Variants in SLC25A48 observed in about 807,000 individuals in gnomAD.
SLC25A48 encodes solute carrier family 25 member 48, also known as CTC-321K16.1.
A neutral mutation model predicts 32.2 loss-of-function variants in SLC25A48; 29 were observed. That is an observed-to-expected ratio of 0.90 (90% CI 0.67 to 1.23). The LOEUF (loss-of-function observed/expected upper bound fraction) is 1.23. Among genes scored for constraint, SLC25A48 ranks in the 50% most tolerant of loss-of-function variants. The pLI is 0.00. For synonymous variants in SLC25A48, 164 were observed against 172.3 expected (o/e 0.95, Z 0.38); for missense variants, 399 against 422.7 (o/e 0.94, Z 0.49).
At chr5:135,653,900 A>G (rs548673991) in intron 3 of SLC25A48, 46 of 456,282 alleles carry the variant, frequency 1.0e-4, no homozygotes, top group South Asian at 6.5e-4. Context: ...GGGCAAGCAT[A>G]TACTCAGGGT....
chr5:135,646,644 T>G (rs1580750626), intron 3 of SLC25A48, among the ~76,000 whole-genome samples: 1 of 136,502 alleles, frequency 7.3e-6, no homozygotes, highest in African/African-American at 2.7e-5. Flanking sequence ...TACGCATTTA[T>G]AATATAATTT....
intron 1 of SLC25A48, among the ~76,000 whole-genome samples, chr5:135,589,226 A>T (rs1223488956): frequency 6.6e-6 from 1 of 152,240 alleles, no homozygotes; most frequent in Non-Finnish European, 1.5e-5. Context: ...ATGAAATGTG[A>T]ACAACTTCCA....
At position 135,888,471 on chromosome 5, in the gene SLC25A48, C is replaced by T. The variant is rs1234609834; in HGVS notation, c.*447C>T. On this transcript the variant is annotated 3_prime_UTR_variant, in exon 8 of 8. Transcript: ENST00000681962. ...TCCTCTCAGCACCGACCAGGTTTTT[C>T]CCCGCTCCTGCACCCGTGGATCCTG... The T allele has an allele frequency of 5.2e-6, 1 of 191,170 alleles. No individual in the cohort carries two copies. Among genetic ancestry groups the T allele is most frequent in the African/African-American group, 2.3e-5 (1 of 43,488 alleles). The allele number at this position is 191,170 out of a possible 1,614,324, so 11.8% of individuals were successfully genotyped here.
intron 3 of SLC25A48, among the ~76,000 whole-genome samples, chr5:135,809,294 C>G (rs1480848916): frequency 6.6e-6 from 1 of 152,172 alleles, no homozygotes; most frequent in Middle Eastern, 3.4e-3. Context: ...GCAAGACTGT[C>G]TCTCTAAAAA....
chr5:135,643,502 AGCCTGTCTCTCATGG>A, intron 3 of SLC25A48, among the ~76,000 whole-genome samples: 1 of 152,314 alleles, frequency 6.6e-6, no homozygotes, highest in South Asian at 2.1e-4. Context: ...TCTCCCATCT[AGCCTGTCTCTCATGG>A]GCCTTGCTCT....
At chr5:135,678,957 G>T (rs1580778555) in intron 3 of SLC25A48, among the ~76,000 whole-genome samples, 1 of 152,154 alleles carries the variant, frequency 6.6e-6, no homozygotes, top group Non-Finnish European at 1.5e-5. Flanking sequence ...TGGGCTCCAG[G>T]ACAGTGTACA....
intron 3 of SLC25A48, among the ~76,000 whole-genome samples, chr5:135,730,719 G>C (rs1362792652): frequency 2.6e-5 from 4 of 152,234 alleles, no homozygotes; most frequent in Non-Finnish European, 2.9e-5. Context: ...AAACTTCCTA[G>C]AGACTTGTTG....
rs535649877 is a variant in SLC25A48 at position 135,850,805 on chromosome 5, T to C, written c.162+309T>C. Among the ~76,000 whole-genome samples the C allele has an allele frequency of 5.3e-5, 8 of 152,318 alleles. No individual in the cohort carries two copies. The South Asian group carries it at 1.7e-3, about 32-fold the overall frequency. ...AAAAACAAGGTGATGGCTCAGTTTT[T>C]CACAAAGGAATGAGTGACTGGCAAA... On this transcript the variant is annotated intron_variant, in intron 3 of 7. Transcript: ENST00000681962.
At chr5:135,789,176 C>G (rs1237810103) in intron 3 of SLC25A48, among the ~76,000 whole-genome samples, 1 of 151,570 alleles carries the variant, frequency 6.6e-6, no homozygotes, top group Non-Finnish European at 1.5e-5. Context: ...ATATTAGTCC[C>G]CATGTTGCGG....
At chr5:135,631,649 C>G (rs1580738041) in intron 2 of SLC25A48, among the ~76,000 whole-genome samples, 2 of 152,204 alleles carry the variant, frequency 1.3e-5, no homozygotes, top group Admixed American at 6.5e-5. Flanking sequence ...CTCCCCGGAT[C>G]AGCATAACTG....
rs376005186 is a variant in SLC25A48, at chr5:135,850,514, G to A, written c.162+18G>A. On this transcript the variant is annotated intron_variant, in intron 3 of 7. Transcript: ENST00000681962. ...GGGAGAGTGTAAGTGCCCCTTGGGC[G>A]GGTGGAGTGATGCCTGCCTGGGCCC... 25 of 1,613,280 alleles carry A rather than the reference G, an allele frequency of 1.5e-5. No homozygotes were observed. Among genetic ancestry groups the A allele is most frequent in the Middle Eastern group, 1.7e-4 (1 of 5,956 alleles).
At chr5:135,763,884 A>AT (rs1055293087) in intron 3 of SLC25A48, among the ~76,000 whole-genome samples, 1 of 151,908 alleles carries the variant, frequency 6.6e-6, no homozygotes, top group African/African-American at 2.4e-5. Context: ...TTACTTATTT[A>AT]TTTTTTTGAG....
At chr5:135,765,260 A>G (rs991404948) in intron 3 of SLC25A48, among the ~76,000 whole-genome samples, 5 of 150,638 alleles carry the variant, frequency 3.3e-5, no homozygotes, top group African/African-American at 1.2e-4. Context: ...GGGTGTGTAC[A>G]CCCCCCTGTG....
chr5:135,710,225 G>T (rs769689202), intron 3 of SLC25A48, among the ~76,000 whole-genome samples: 22 of 152,224 alleles, frequency 1.4e-4, no homozygotes, highest in Non-Finnish European at 2.2e-4. Flanking sequence ...AGGGCAGCTG[G>T]TTTTCGCACA....
chr5:135,792,699 C>T (rs1331986056), intron 3 of SLC25A48, among the ~76,000 whole-genome samples: 1 of 151,652 alleles, frequency 6.6e-6, no homozygotes, highest in Non-Finnish European at 1.5e-5. Flanking sequence ...ATTTGTACTC[C>T]CTGGAATACT....
chr5:135,834,692 C>A lies in SLC25A48; in HGVS notation c.-156C>A. ...GGAGAGGTGAGCGCGGCAGCCCGCG[C>A]AGCCGGTGACTGGGGGACTGGGTTT... On this transcript the variant is annotated 5_prime_UTR_variant, in exon 1 of 8. Transcript: ENST00000681962. 2.5e-6 allele frequency: 2 copies of A among 801,966 alleles called. No individual in the cohort carries two copies. Among genetic ancestry groups the A allele is most frequent in the Non-Finnish European group, 1.9e-6 (1 of 519,384 alleles). 49.7% of individuals were successfully genotyped at this position (801,966 alleles called of 1,614,324 possible).
chr5:135,645,667 T>C (rs1269106790), intron 3 of SLC25A48, among the ~76,000 whole-genome samples: 3 of 152,200 alleles, frequency 2.0e-5, no homozygotes, highest in Admixed American at 6.5e-5. Flanking sequence ...GGGCAGAGAC[T>C]ACTGGACCCC....
chr5:135,619,096 T>A (rs566311975), intron 1 of SLC25A48, among the ~76,000 whole-genome samples: 10 of 152,144 alleles, frequency 6.6e-5, no homozygotes, highest in Non-Finnish European at 1.2e-4. Context: ...ATAACTCTTT[T>A]GTTTTCTTTT....
intron 4 of SLC25A48, among the ~76,000 whole-genome samples, chr5:135,814,947 A>AG (rs1341188723): frequency 2.0e-5 from 3 of 152,188 alleles, no homozygotes; most frequent in Non-Finnish European, 4.4e-5. Flanking sequence ...GGGCCCACAG[A>AG]GTACTGTGGG....
Sources: gnomAD v4.1 joint callset for allele counts (sites outside exome capture counted in the v4.1 genomes callset) on GRCh38, gnomAD v4.1.1 for gene constraint, MANE v1.5 for transcripts, NCBI Gene and HGNC (gene_info 2026-07-23, HGNC 2026-07-21) for gene names.